Variants in PEX14 observed in about 807,000 individuals in gnomAD.
PEX14 encodes the protein peroxisomal membrane protein PEX14.
PEX14 carries 15 observed loss-of-function variants against 49.5 expected under a neutral mutation model. The observed-to-expected ratio is 0.30, with a 90% CI of 0.20 to 0.47. The LOEUF (loss-of-function observed/expected upper bound fraction) is 0.47. Ranked by LOEUF, PEX14 falls within the 20% of genes least tolerant of loss-of-function variation. The probability of loss-of-function intolerance (pLI) is 1.00; values close to 1 mark genes in which losing one functional copy is unlikely to be tolerated. For missense variants in PEX14, 398 were observed against 494.8 expected, an observed-to-expected ratio of 0.80 and a Z score of 1.86; for synonymous variants, 210 against 212.7, an observed-to-expected ratio of 0.99 and a Z score of 0.11.
chr1:10,489,288 G>C (rs947385195), intron 1 of PEX14, among the ~76,000 whole-genome samples: 1 of 152,174 alleles, frequency 6.6e-6, no homozygotes, highest in Non-Finnish European at 1.5e-5. Context: ...GCCATGTGTT[G>C]AAATTTTTTA....
At chr1:10,528,266 CT>C in intron 2 of PEX14, 2 of 969,910 alleles carry the variant, frequency 2.1e-6, no homozygotes, top group Non-Finnish European at 2.5e-6. Flanking sequence ...TAGTGCATGA[CT>C]AGAGAGCTTC....
chr1:10,629,757 G>C lies in PEX14; in HGVS notation c.904G>C (p.Val302Leu), dbSNP rs759395711. Residue 302 changes from valine (V) to leucine (L), a missense_variant, in exon 9 of 9, where the codon GTG becomes CTG. By Grantham distance (32) the Val-to-Leu change is conservative. Around this residue, in one of 3 missense-constraint regions of PEX14, gnomAD observed 140 missense variants for 155.5 expected, o/e 0.90. Transcript: ENST00000356607. This position sits in a 1 kb window ranked among gnomAD's most constrained non-coding sequence, Gnocchi z 8.5. ...GGGCCCCCAGGAGGAAGGCGAGGGG[G>C]TGGTGGACGTCAAGGGCCAGGTGCG... ...LLGPQEEGEG[V>L]VDVKGQVRME... is the part of the protein sequence containing the mutation. The C allele has an allele frequency of 5.0e-6, 8 of 1,586,890 alleles. No homozygotes were observed. The highest frequency in any genetic ancestry group is 6.9e-6 in the Non-Finnish European group (8 of 1,165,864).
At chr1:10,570,128 T>A (rs1463139212) in intron 3 of PEX14, among the ~76,000 whole-genome samples, 1 of 152,166 alleles carries the variant, frequency 6.6e-6, no homozygotes, top group Non-Finnish European at 1.5e-5. Flanking sequence ...ATAGTTTGTC[T>A]TCTAATAATT....
chr1:10,590,249 C>T (rs928673774), intron 3 of PEX14, among the ~76,000 whole-genome samples: 3 of 152,214 alleles, frequency 2.0e-5, no homozygotes, highest in South Asian at 2.1e-4. Flanking sequence ...GCCTGCAAAC[C>T]GTGAGTCGTG....
intron 3 of PEX14, among the ~76,000 whole-genome samples, chr1:10,560,958 C>T (rs1420308865): frequency 3.3e-5 from 5 of 152,148 alleles, no homozygotes; most frequent in South Asian, 2.1e-4. Flanking sequence ...CCTTGTGATT[C>T]GCCTGCCCTC....
intron 3 of PEX14, among the ~76,000 whole-genome samples, chr1:10,588,131 A>T (rs1365258461): frequency 6.6e-6 from 1 of 151,728 alleles, no homozygotes; most frequent in East Asian, 1.9e-4. Context: ...TGAGGTAGAG[A>T]ATTGCTTGAA....
At chr1:10,581,028 G>A (rs1640300134) in intron 3 of PEX14, among the ~76,000 whole-genome samples, 1 of 152,074 alleles carries the variant, frequency 6.6e-6, no homozygotes, top group Admixed American at 6.5e-5. Context: ...AGTGGAGGAA[G>A]CAGCTGACAC....
intron 3 of PEX14, among the ~76,000 whole-genome samples, chr1:10,572,927 T>A (rs1425981819): frequency 6.6e-6 from 1 of 152,218 alleles, no homozygotes; most frequent in Non-Finnish European, 1.5e-5. Flanking sequence ...TATAACCTAC[T>A]GCATACTTAG....
chr1:10,608,844 A>C (rs781343288), intron 4 of PEX14, among the ~76,000 whole-genome samples: 27 of 152,258 alleles, frequency 1.8e-4, no homozygotes, highest in South Asian at 1.2e-3. Flanking sequence ...CGAGTGATGC[A>C]GCTGTCACCA....
intron 3 of PEX14, among the ~76,000 whole-genome samples, chr1:10,586,095 ACTT>A: frequency 6.6e-6 from 1 of 152,226 alleles, no homozygotes; most frequent in Admixed American, 6.5e-5. Flanking sequence ...TTCTTTCAAA[ACTT>A]CTTTCTCCAT....
At chr1:10,559,726 TC>T (rs1026937986) in intron 3 of PEX14, among the ~76,000 whole-genome samples, 6 of 152,228 alleles carry the variant, frequency 3.9e-5, no homozygotes, top group African/African-American at 1.4e-4. Context: ...GATTATTTAT[TC>T]TACAGAACTA....
chr1:10,578,547 C>T (rs12741973), intron 3 of PEX14, among the ~76,000 whole-genome samples: 60,714 of 151,872 alleles, frequency 0.4, 12,505 homozygotes, highest in Admixed American at 0.44. Flanking sequence ...AATTAAAAAA[C>T]TACTAGATGT....
intron 3 of PEX14, among the ~76,000 whole-genome samples, chr1:10,592,758 A>T (rs575772776): frequency 8.3e-4 from 126 of 152,348 alleles, no homozygotes; most frequent in Non-Finnish European, 1.0e-3. Context: ...ACTGCTCAGC[A>T]CTGGACCCCG....
At chr1:10,543,589 T>C (rs937981097) in intron 3 of PEX14, among the ~76,000 whole-genome samples, 1 of 151,894 alleles carries the variant, frequency 6.6e-6, no homozygotes, top group Non-Finnish European at 1.5e-5. Context: ...TTGAGGCTGG[T>C]GAGATAGGAA....
rs532220634 is a variant in PEX14, at chr1:10,540,612, T to A, written c.169+4315T>A. Among the ~76,000 whole-genome samples, 77 of 149,082 alleles carry A rather than the reference T, an allele frequency of 5.2e-4. 1 individual carries two copies. The highest frequency in any genetic ancestry group is 1.8e-3 in the African/African-American group (72 of 41,098). On this transcript the variant is annotated intron_variant, in intron 3 of 8. Transcript: ENST00000356607. ...TCCCCCATCTCCAGGAAAAAAAAAA[T>A]TGTAACCTCTTGTGTTTCTAAAATT... is the stretch of plus-strand genomic sequence containing the variant.
rs572956420 is a variant in PEX14, at chr1:10,579,701, A to T, written c.170-19537A>T. Reference sequence around the variant, plus strand: ...TTAGACTATAGAGGTTAACTTCCCGATGTTGCCATGGCGTCTGTAAACTGC... The same window carrying T: ...TTAGACTATAGAGGTTAACTTCCCGTTGTTGCCATGGCGTCTGTAAACTGC... On this transcript the variant is annotated intron_variant, in intron 3 of 8. Transcript: ENST00000356607. Among the ~76,000 whole-genome samples the T allele has an allele frequency of 1.9e-3, 292 of 152,210 alleles. 4 individuals carry two copies. The highest frequency in any genetic ancestry group is 0.018 in the Admixed American group (269 of 15,296).
intron 4 of PEX14, among the ~76,000 whole-genome samples, chr1:10,609,510 A>G (rs1477975327): frequency 1.3e-5 from 2 of 152,184 alleles, no homozygotes; most frequent in African/African-American, 2.4e-5. Context: ...TGTGCCCTTT[A>G]TGTCGTCCTT....
chr1:10,585,258 T>C (rs940332492), intron 3 of PEX14, among the ~76,000 whole-genome samples: 1 of 152,238 alleles, frequency 6.6e-6, no homozygotes, highest in East Asian at 1.9e-4. Context: ...AAAGAAAAGA[T>C]AGTAACTTTG....
At position 10,536,304 on chromosome 1, in the gene PEX14, G is replaced by C. The variant is rs376989411; in HGVS notation, c.169+7G>C. 55 of 1,545,334 alleles carry C rather than the reference G, an allele frequency of 3.6e-5. No individual in the cohort carries two copies. The African/African-American group carries it at 6.9e-4, about 19-fold the overall frequency. On this transcript the variant is annotated splice_region_variant and intron_variant, in intron 3 of 8. Coordinates refer to ENST00000356607, the MANE Select transcript of PEX14 (RefSeq NM_004565.3). The stretch of plus-strand genomic sequence containing the variant: ...GCATTCCTAAAGAAGAAAGGTACAG[G>C]TTCCACAGGGCTGTGCAGCACGGCC...
Sources: gnomAD v4.1 joint callset for allele counts (sites outside exome capture counted in the v4.1 genomes callset) on GRCh38, gnomAD v4.1.1 for gene constraint, gnomAD v4.1.1 regional missense constraint, Gnocchi (gnomAD v3.1) non-coding constraint, MANE v1.5 for transcripts, NCBI Gene and HGNC (gene_info 2026-07-23, HGNC 2026-07-21) for gene names.